The following MLLT10 variants were observed in gnomAD, a reference collection of about 807,000 sequenced individuals.
MLLT10 encodes the protein MLLT10 histone lysine methyltransferase DOT1L cofactor, also known as protein AF-10.
A neutral mutation model predicts 129.1 loss-of-function variants in MLLT10; 30 were observed. That is an observed-to-expected ratio of 0.23 (90% CI 0.17 to 0.32). The LOEUF (loss-of-function observed/expected upper bound fraction) is 0.32, where lower values mean the gene tolerates loss of function less well. MLLT10 is among the 10% of genes least tolerant of loss of function. The probability of loss-of-function intolerance (pLI) is 1.00; values close to 1 mark genes in which losing one functional copy is unlikely to be tolerated. For synonymous variants in MLLT10, 490 were observed against 446.4 expected (o/e 1.10, Z -1.23); for missense variants, 1,119 against 1,268.3 (o/e 0.88, Z 1.79).
intron 3 of MLLT10, among the ~76,000 whole-genome samples, 154 bp from the exon 4 acceptor site, chr10:21,586,140 C>T (rs2041959969): frequency 6.6e-6 from 1 of 152,160 alleles, no homozygotes; most frequent in African/African-American, 2.4e-5. Flanking sequence ...TCATCAAGAA[C>T]AACTGTTTGT....
chr10:21,566,764 CT>C (rs879423542), intron 3 of MLLT10, among the ~76,000 whole-genome samples: 2 of 150,538 alleles, frequency 1.3e-5, no homozygotes, highest in Non-Finnish European at 1.5e-5. Context: ...TGTTTTGTAT[CT>C]TTTTTTTTAG....
In MLLT10 at chr10:21,651,706, C is replaced by T. The variant is rs1170116414; in HGVS notation, c.733C>T (p.His245Tyr). ...AGAGAAGGACAAACACAAACAGAAA[C>T]ACAAGAAGCAGCCAGAACCATCACC... Reference protein sequence around the residue: ...YKEKDKHKQKHKKQPEPSPAL... With the variant: ...YKEKDKHKQKYKKQPEPSPAL... The change falls in exon 9 of 23, where the codon CAC becomes TAC. Residue 245 changes from histidine to tyrosine, a missense_variant. By Grantham distance (83) the His-to-Tyr change is moderately conservative. Coordinates refer to ENST00000307729, the MANE Select transcript of MLLT10 (RefSeq NM_001195626.3). 6.2e-7 allele frequency: 1 copy of T among 1,613,372 alleles called. No homozygotes were observed. The highest frequency in any genetic ancestry group is 1.3e-5 in the African/African-American group (1 of 74,998).
At chr10:21,647,688 C>CT (rs913832910) in intron 8 of MLLT10, among the ~76,000 whole-genome samples, 33 of 143,786 alleles carry the variant, frequency 2.3e-4, no homozygotes, top group African/African-American at 5.2e-4. Flanking sequence ...TTTACTGGCT[C>CT]TTTTTTTTTG....
intron 8 of MLLT10, among the ~76,000 whole-genome samples, chr10:21,632,360 T>G (rs781714869): frequency 8.5e-5 from 13 of 152,342 alleles, no homozygotes; most frequent in Non-Finnish European, 1.3e-4. Flanking sequence ...TTTAGAATTT[T>G]ATTCCAGCTA....
At chr10:21,665,446 G>A (rs1268686115) in intron 9 of MLLT10, among the ~76,000 whole-genome samples, 4 of 151,728 alleles carry the variant, frequency 2.6e-5, no homozygotes, top group Non-Finnish European at 1.5e-5. Flanking sequence ...GTGCCACCAC[G>A]CCCAGCTAAT....
At chr10:21,559,240 C>T (rs931743522) in intron 3 of MLLT10, among the ~76,000 whole-genome samples, 2 of 152,132 alleles carry the variant, frequency 1.3e-5, no homozygotes, top group Non-Finnish European at 2.9e-5. Flanking sequence ...TCCGCCACCA[C>T]GCCTGACTAA....
intron 9 of MLLT10, among the ~76,000 whole-genome samples, chr10:21,660,271 T>G (rs114638174): frequency 0.029 from 4,245 of 146,148 alleles, 197 homozygotes; most frequent in African/African-American, 0.098. Context: ...CCTGGCCACT[T>G]TAATTTTTGT....
intron 13 of MLLT10, among the ~76,000 whole-genome samples, chr10:21,709,717 GC>G (rs1432645884): frequency 6.6e-6 from 1 of 151,986 alleles, no homozygotes; most frequent in African/African-American, 2.4e-5. Context: ...GGCCCTCTTA[GC>G]CAAACTTGTT....
chr10:21,742,114 TG>T lies in MLLT10; in HGVS notation c.*132del. On this transcript the variant is annotated 3_prime_UTR_variant, in exon 23 of 23. Coordinates refer to ENST00000307729, the MANE Select transcript of MLLT10 (RefSeq NM_001195626.3). ...CAATGCACAACAAAGGATTAATTGC[TG>T]CAAGGACATTCTTGTAAGGCTTTGA... The T allele has an allele frequency of 1.3e-6, 1 of 762,578 alleles. No homozygotes were observed. Among genetic ancestry groups the T allele is most frequent in the East Asian group, 2.7e-5 (1 of 37,580 alleles). 47.2% of individuals were successfully genotyped at this position (762,578 alleles called of 1,614,324 possible).
chr10:21,588,160 G>T (rs528794895), intron 4 of MLLT10, among the ~76,000 whole-genome samples: 1 of 151,898 alleles, frequency 6.6e-6, no homozygotes, highest in Non-Finnish European at 1.5e-5. Context: ...TCCACCTTCC[G>T]GGCTCAAGCG....
chr10:21,620,378 G>A (rs2045689422), intron 8 of MLLT10, among the ~76,000 whole-genome samples: 2 of 152,120 alleles, frequency 1.3e-5, no homozygotes, highest in South Asian at 2.1e-4. Flanking sequence ...TTTGAATTAC[G>A]ATTTTTAGAC....
intron 14 of MLLT10, among the ~76,000 whole-genome samples, chr10:21,724,605 C>T (rs1189193325): frequency 2.0e-5 from 3 of 152,228 alleles, no homozygotes; most frequent in Non-Finnish European, 4.4e-5. Flanking sequence ...AAAAGAAGAA[C>T]AATTCTACTT....
chr10:21,666,158 T>C (rs1035878090), intron 9 of MLLT10, among the ~76,000 whole-genome samples: 3 of 152,202 alleles, frequency 2.0e-5, no homozygotes, highest in Non-Finnish European at 4.4e-5. Flanking sequence ...TATTGTATTG[T>C]TTGATTTAGA....
At chr10:21,554,670 C>T (rs2037628986) in intron 3 of MLLT10, among the ~76,000 whole-genome samples, 1 of 151,500 alleles carries the variant, frequency 6.6e-6, no homozygotes, top group African/African-American at 2.4e-5. Context: ...CCATGTTGGC[C>T]AAGATGGTCT....
intron 3 of MLLT10, among the ~76,000 whole-genome samples, chr10:21,550,311 G>A (rs2036793057): frequency 6.6e-6 from 1 of 152,066 alleles, no homozygotes; most frequent in Non-Finnish European, 1.5e-5. Flanking sequence ...TAATTTCTGT[G>A]CAGCTTCCCT....
At chr10:21,680,320 C>G (rs1453810192) in intron 11 of MLLT10, among the ~76,000 whole-genome samples, 2 of 151,904 alleles carry the variant, frequency 1.3e-5, no homozygotes, top group Non-Finnish European at 2.9e-5. Flanking sequence ...ATTCTTGTGC[C>G]TCAGCCTCCC....
intron 3 of MLLT10, among the ~76,000 whole-genome samples, chr10:21,572,936 T>C (rs2131041463): frequency 6.6e-6 from 1 of 152,058 alleles, no homozygotes; most frequent in Admixed American, 6.5e-5. Context: ...ATATTTTGTC[T>C]TTTTTTTGAT....
At chr10:21,667,457 A>G (rs1343518026) in intron 9 of MLLT10, among the ~76,000 whole-genome samples, 2 of 145,176 alleles carry the variant, frequency 1.4e-5, no homozygotes, top group African/African-American at 2.6e-5. Flanking sequence ...TGATCCTCCC[A>G]TTCTTTTTGA....
At chr10:21,649,534 G>C (rs2048820000) in intron 8 of MLLT10, among the ~76,000 whole-genome samples, 1 of 152,200 alleles carries the variant, frequency 6.6e-6, no homozygotes. Context: ...CTTCCATGTG[G>C]TATCTGTCGG....
Sources: gnomAD v4.1 joint callset for allele counts (sites outside exome capture counted in the v4.1 genomes callset) on GRCh38, gnomAD v4.1.1 for gene constraint, MANE v1.5 for transcripts, NCBI Gene and HGNC (gene_info 2026-07-23, HGNC 2026-07-21) for gene names.